SAMD12: variants seen among roughly 807,000 people sequenced by gnomAD.
SAMD12 encodes sterile alpha motif domain containing 12.
In SAMD12, 9 loss-of-function variants were observed where a neutral mutation model predicts 15.0. That is an observed-to-expected ratio of 0.60 (90% CI 0.36 to 1.05). The LOEUF (loss-of-function observed/expected upper bound fraction) is 1.05, where lower values mean the gene tolerates loss of function less well. Ranked by LOEUF, SAMD12 falls within the 50% of genes least tolerant of loss-of-function variation. The probability of loss-of-function intolerance (pLI) is 0.01; values close to 1 mark genes in which losing one functional copy is unlikely to be tolerated. For synonymous variants in SAMD12, 86 were observed against 90.1 expected (o/e 0.96, Z 0.25); for missense variants, 230 against 234.2 (o/e 0.98, Z 0.12).
At chr8:118,389,761 T>C (rs1820168709) in intron 3 of SAMD12, among the ~76,000 whole-genome samples, 1 of 151,990 alleles carries the variant, frequency 6.6e-6, no homozygotes, top group Non-Finnish European at 1.5e-5. Flanking sequence ...GGACAAATTA[T>C]TTTTTCCCTA....
At chr8:118,465,978 T>C (rs1823584622) in intron 2 of SAMD12, among the ~76,000 whole-genome samples, 1 of 152,162 alleles carries the variant, frequency 6.6e-6, no homozygotes, top group African/African-American at 2.4e-5. Flanking sequence ...TAAGAGAGGC[T>C]TCATTGATCA....
At chr8:118,549,549 G>A (rs866431993) in intron 2 of SAMD12, among the ~76,000 whole-genome samples, 4 of 152,262 alleles carry the variant, frequency 2.6e-5, no homozygotes, top group Middle Eastern at 3.4e-3. Flanking sequence ...ATCATCAGAG[G>A]CCAAAAGTAG....
At chr8:118,403,529 A>G (rs1467308958) in intron 3 of SAMD12, among the ~76,000 whole-genome samples, 1 of 152,178 alleles carries the variant, frequency 6.6e-6, no homozygotes, top group East Asian at 1.9e-4. Context: ...TTATAGTAGT[A>G]TTTCTTTAAC....
chr8:118,308,018 CT>C (rs2130373906), intron 4 of SAMD12, among the ~76,000 whole-genome samples: 1 of 152,362 alleles, frequency 6.6e-6, no homozygotes, highest in South Asian at 2.1e-4. Flanking sequence ...GTTCCTGTAA[CT>C]GTTCCCCTTC....
chr8:118,513,403 G>C (rs1825140861), intron 2 of SAMD12, among the ~76,000 whole-genome samples: 1 of 152,212 alleles, frequency 6.6e-6, no homozygotes. Flanking sequence ...AAGGCCAACA[G>C]AGTACATCTT....
the SAMD12 span, among the ~76,000 whole-genome samples, chr8:118,174,975 C>T: frequency 4.7e-3 from 704 of 151,332 alleles, 3 homozygotes; most frequent in Non-Finnish European, 5.9e-3. Flanking sequence ...AGGATCTTTA[C>T]CTGTGTAACC....
intron 2 of SAMD12, among the ~76,000 whole-genome samples, chr8:118,488,395 G>A (rs1270556473): frequency 6.6e-6 from 1 of 152,058 alleles, no homozygotes; most frequent in African/African-American, 2.4e-5. Flanking sequence ...ATGAAAACAG[G>A]AAGGTGCACT....
chr8:118,447,016 G>A (rs372848388), intron 2 of SAMD12, among the ~76,000 whole-genome samples: 4 of 152,224 alleles, frequency 2.6e-5, no homozygotes, highest in African/African-American at 9.6e-5. Context: ...TGCCTCATTT[G>A]TAGCCTACAT....
chr8:118,588,045 T>C (rs920702409), intron 1 of SAMD12, among the ~76,000 whole-genome samples: 1 of 152,180 alleles, frequency 6.6e-6, no homozygotes, highest in African/African-American at 2.4e-5. Context: ...TAGGAATACA[T>C]GTTATTATCA....
intron 4 of SAMD12, among the ~76,000 whole-genome samples, chr8:118,274,893 A>G (rs1462040325): frequency 1.3e-5 from 2 of 152,198 alleles, no homozygotes; most frequent in Non-Finnish European, 2.9e-5. Flanking sequence ...GTTTACAGCT[A>G]TGAAAGTCAA....
chr8:118,172,918 C>T, the SAMD12 span, among the ~76,000 whole-genome samples: 1 of 152,168 alleles, frequency 6.6e-6, no homozygotes, highest in African/African-American at 2.4e-5. Flanking sequence ...CTCCTTCCAG[C>T]CCCTGGTAAC....
intron 3 of SAMD12, among the ~76,000 whole-genome samples, chr8:118,402,523 C>A (rs532533939): frequency 6.6e-5 from 10 of 152,330 alleles, no homozygotes; most frequent in African/African-American, 2.4e-4. Context: ...ACTGCTCTAG[C>A]CAGAAAAGCC....
At chr8:118,205,345 C>T (rs1377525261) in intron 4 of SAMD12, among the ~76,000 whole-genome samples, 1 of 152,214 alleles carries the variant, frequency 6.6e-6, no homozygotes, top group Non-Finnish European at 1.5e-5. Context: ...CTACAGATAA[C>T]ACAATGACCA....
intron 4 of SAMD12, among the ~76,000 whole-genome samples, chr8:118,269,230 G>C (rs1554619750): frequency 0.16 from 21,829 of 135,902 alleles, 1,498 homozygotes; most frequent in African/African-American, 0.17. Flanking sequence ...CTGTGTGTGT[G>C]TGTGTGTGTG....
intron 2 of SAMD12, among the ~76,000 whole-genome samples, chr8:118,460,609 A>G (rs947662963): frequency 2.6e-5 from 4 of 152,202 alleles, no homozygotes; most frequent in Non-Finnish European, 5.9e-5. Context: ...GTGCATGAGA[A>G]TATCAATGCA....
intron 4 of SAMD12, among the ~76,000 whole-genome samples, chr8:118,321,168 T>A (rs1428208931): frequency 4.2e-5 from 4 of 94,360 alleles, no homozygotes; most frequent in East Asian, 2.4e-4. Flanking sequence ...TATATATATA[T>A]ATATATATAT....
At chr8:118,435,818 T>G (rs1822561804) in intron 3 of SAMD12, among the ~76,000 whole-genome samples, 1 of 152,188 alleles carries the variant, frequency 6.6e-6, no homozygotes, top group South Asian at 2.1e-4. Context: ...CTTTAAGATT[T>G]TAATTTAACT....
chr8:118,409,888 TAAG>T (rs35924310), intron 3 of SAMD12, among the ~76,000 whole-genome samples: 52,445 of 151,672 alleles, frequency 0.35, 9,726 homozygotes, highest in African/African-American at 0.42. Context: ...TTCCACTCTT[TAAG>T]AAGATGGCCT....
Position 118,569,059 on chromosome 8 carries a change from C to T in SAMD12, c.192+11656G>A, listed in dbSNP as rs184965775. ...TATGATGGTGATATTCAACTTCAGC[C>T]AATAGTGATTTAACACTCAGCCATT... is the stretch of plus-strand genomic sequence containing the variant. On this transcript the variant is annotated intron_variant, in intron 2 of 3. Coordinates refer to ENST00000314727, the MANE Select transcript of SAMD12 (RefSeq NM_207506.3). 2.2e-3 allele frequency among the ~76,000 whole-genome samples: 337 copies of T among 152,196 alleles called. 1 individual carries two copies. Among genetic ancestry groups the T allele is most frequent in the African/African-American group, 7.7e-3 (319 of 41,524 alleles).
Sources: gnomAD v4.1 joint callset for allele counts (sites outside exome capture counted in the v4.1 genomes callset) on GRCh38, gnomAD v4.1.1 for gene constraint, MANE v1.5 for transcripts, NCBI Gene and HGNC (gene_info 2026-07-23, HGNC 2026-07-21) for gene names.